The following UNC13B variants were observed in gnomAD, a reference collection of about 807,000 sequenced individuals.
UNC13B encodes the protein protein unc-13 homolog B.
UNC13B carries 144 observed loss-of-function variants against 211.0 expected under a neutral mutation model. The observed-to-expected ratio is 0.68, with a 90% CI of 0.60 to 0.78. The LOEUF is 0.78. Ranked by LOEUF, UNC13B falls within the 30% of genes least tolerant of loss-of-function variation. The pLI is 0.00. For synonymous variants in UNC13B, 709 were observed against 725.8 expected (o/e 0.98, Z 0.37); for missense variants, 1,777 against 2,002.0 (o/e 0.89, Z 2.14).
Position 35,302,800 on chromosome 9 carries a change from T to A in UNC13B, c.3396T>A (p.Asp1132Glu), listed in dbSNP as rs569755345. ...KSTLVNEINE[D>E]EVIDKTSKKN... is the part of the protein sequence containing the mutation. ...CTTTGGTTAATGAAATTAATGAAGA[T>A]GAGGTTATAGATAAGACTTCCAAGA... Residue 1132 changes from aspartate to glutamate, a missense_variant, in exon 9 of 40, where the codon GAT becomes GAA. Coordinates refer to ENST00000635942, the MANE Select transcript of UNC13B (RefSeq NM_001371189.2). The A allele has an allele frequency of 2.5e-6, 1 of 398,548 alleles. No individual in the cohort carries two copies. Among genetic ancestry groups the A allele is most frequent in the Non-Finnish European group, 4.4e-6 (1 of 225,786 alleles). 24.7% of individuals were successfully genotyped at this position (398,548 alleles called of 1,614,324 possible).
intron 5 of UNC13B, 26 bp from the exon 6 acceptor site, chr9:35,243,265 T>A: frequency 6.2e-7 from 1 of 1,608,660 alleles, no homozygotes; most frequent in Non-Finnish European, 8.5e-7. Flanking sequence ...TGATTTCTTT[T>A]CTTTTTCTTC....
intron 11 of UNC13B, among the ~76,000 whole-genome samples, chr9:35,340,806 T>C (rs922782093): frequency 2.0e-5 from 3 of 152,228 alleles, no homozygotes; most frequent in Non-Finnish European, 1.5e-5. Context: ...CATTATGCGA[T>C]GTTTTTCATG....
intron 11 of UNC13B, among the ~76,000 whole-genome samples, chr9:35,349,579 G>A (rs749362228): frequency 1.1e-4 from 16 of 152,164 alleles, no homozygotes; most frequent in Non-Finnish European, 1.8e-4. Flanking sequence ...AGACCTTGAG[G>A]TGAAGCAGTA....
Position 35,255,032 on chromosome 9 carries a change from A to T in UNC13B, c.469-3961A>T, listed in dbSNP as rs1327210873. Among the ~76,000 whole-genome samples the T allele has an allele frequency of 5.0e-5, 6 of 119,368 alleles. No homozygotes were observed. In the Admixed American group the frequency reaches 5.6e-4, roughly 11 times the overall value. The allele number at this position is 119,368 out of a possible 152,430, so 78.3% of individuals were successfully genotyped here. ...ATATTAATATATGTATATATAATAT[A>T]ATATATATTATATATAATATAATAT... On this transcript the variant is annotated intron_variant, in intron 6 of 39. Coordinates refer to ENST00000635942, the MANE Select transcript of UNC13B (RefSeq NM_001371189.2).
chr9:35,393,814 AC>A lies in UNC13B; in HGVS notation c.11309-2656del, dbSNP rs962628292. On this transcript the variant is annotated intron_variant, in intron 26 of 39. Transcript: ENST00000635942. ...CTTGAACCCTAGCCTCAAGTGATCC[AC>A]CCCCCTCAGCCTCCCAAAGTGCTGG... Among the ~76,000 whole-genome samples, 3 of 150,484 alleles carry A rather than the reference AC, an allele frequency of 2.0e-5. No individual in the cohort carries two copies. The East Asian group carries it at 5.9e-4, about 29-fold the overall frequency.
intron 11 of UNC13B, chr9:35,342,409 G>C (rs556923846): frequency 3.1e-6 from 3 of 959,832 alleles, no homozygotes; most frequent in African/African-American, 1.8e-5. Context: ...AGCATTTGTG[G>C]GTGGAATATG....
At position 35,303,207 on chromosome 9, in the gene UNC13B, A is replaced by C. The variant is rs538375525; in HGVS notation, c.3803A>C (p.Asn1268Thr). 3 of 398,680 alleles carry C rather than the reference A, an allele frequency of 7.5e-6. No homozygotes were observed. Among genetic ancestry groups the C allele is most frequent in the Non-Finnish European group, 1.3e-5 (3 of 225,806 alleles). 24.7% of individuals were successfully genotyped at this position (398,680 alleles called of 1,614,324 possible). ...CCATTATCTGATGCTGGGGATGATA[A>C]TCATTATTGTTCCCCTACAGAGAAA... ...NIPLSDAGDD[N>T]HYCSPTEKNQ... The change falls in exon 9 of 40, where the codon AAT becomes ACT. Residue 1268 changes from asparagine (N) to threonine (T), a missense_variant. Physicochemically the swap from Asn to Thr is moderately conservative, Grantham distance 65. Coordinates refer to ENST00000635942, the MANE Select transcript of UNC13B (RefSeq NM_001371189.2).
At chr9:35,316,796 C>T (rs1830481038) in intron 11 of UNC13B, among the ~76,000 whole-genome samples, 1 of 152,006 alleles carries the variant, frequency 6.6e-6, no homozygotes, top group Admixed American at 6.6e-5. Flanking sequence ...TTTGATATAT[C>T]ATTATCTTTT....
At chr9:35,350,657 G>C (rs1284082363) in intron 11 of UNC13B, among the ~76,000 whole-genome samples, 1 of 152,202 alleles carries the variant, frequency 6.6e-6, no homozygotes, top group African/African-American at 2.4e-5. Context: ...ACCTACGTCT[G>C]GACAGTGTGT....
chr9:35,270,549 T>C (rs1354586583), intron 7 of UNC13B, among the ~76,000 whole-genome samples: 1 of 152,184 alleles, frequency 6.6e-6, no homozygotes, highest in Admixed American at 6.5e-5. Flanking sequence ...CCAGTGCTAT[T>C]ATCAACAATA....
chr9:35,391,689 G>A (rs936390099), intron 26 of UNC13B, among the ~76,000 whole-genome samples: 2 of 152,232 alleles, frequency 1.3e-5, no homozygotes, highest in African/African-American at 2.4e-5. Flanking sequence ...CTGATGGGGA[G>A]TACAGTCTCA....
intron 7 of UNC13B, among the ~76,000 whole-genome samples, chr9:35,268,483 G>A (rs1379944163): frequency 6.6e-6 from 1 of 152,164 alleles, no homozygotes; most frequent in Non-Finnish European, 1.5e-5. Flanking sequence ...GCCAGGTGTG[G>A]TGGCGGGCAC....
chr9:35,164,660 T>C (rs967980196), intron 1 of UNC13B, among the ~76,000 whole-genome samples: 1 of 152,248 alleles, frequency 6.6e-6, no homozygotes, highest in African/African-American at 2.4e-5. Context: ...ATGCAGACTT[T>C]GCTCTAGCAC....
chr9:35,348,412 A>G (rs1466384579), intron 11 of UNC13B, among the ~76,000 whole-genome samples: 1 of 152,138 alleles, frequency 6.6e-6, no homozygotes, highest in East Asian at 1.9e-4. Context: ...TGAATGATTT[A>G]CTCCTCCTTC....
At chr9:35,204,085 C>T (rs938247020) in intron 1 of UNC13B, among the ~76,000 whole-genome samples, 1 of 152,250 alleles carries the variant, frequency 6.6e-6, no homozygotes, top group Admixed American at 6.5e-5. Flanking sequence ...ATCTCTAGCA[C>T]CAGCTGGGCT....
At chr9:35,248,228 AT>A (rs1403635447) in intron 6 of UNC13B, among the ~76,000 whole-genome samples, 1 of 152,052 alleles carries the variant, frequency 6.6e-6, no homozygotes, top group Non-Finnish European at 1.5e-5. Flanking sequence ...TACTGTGTCT[AT>A]TTGATTCTTC....
intron 1 of UNC13B, among the ~76,000 whole-genome samples, chr9:35,164,142 G>A (rs1353706307): frequency 2.0e-5 from 3 of 151,952 alleles, no homozygotes; most frequent in Non-Finnish European, 4.4e-5. Context: ...TCAGCCTCCC[G>A]AGCAGCTGGA....
chr9:35,390,152 A>G (rs1441463169), intron 25 of UNC13B, among the ~76,000 whole-genome samples, 179 bp downstream of exon 25: 2 of 152,152 alleles, frequency 1.3e-5, no homozygotes, highest in Non-Finnish European at 2.9e-5. Context: ...GTGTGGAAAC[A>G]TAATGGGGGT....
intron 10 of UNC13B, among the ~76,000 whole-genome samples, chr9:35,312,319 C>T (rs776669780): frequency 2.0e-5 from 3 of 152,240 alleles, no homozygotes; most frequent in Non-Finnish European, 4.4e-5. Flanking sequence ...AAGATATTAA[C>T]TTATTTTCTC....
Sources: gnomAD v4.1 joint callset for allele counts (sites outside exome capture counted in the v4.1 genomes callset) on GRCh38, gnomAD v4.1.1 for gene constraint, MANE v1.5 for transcripts, NCBI Gene and HGNC (gene_info 2026-07-23, HGNC 2026-07-21) for gene names.